The following FARS2 variants were observed in gnomAD, a reference collection of about 807,000 sequenced individuals.
FARS2 encodes phenylalanyl-tRNA synthetase 2, mitochondrial.
In FARS2, 40 loss-of-function variants were observed where a neutral mutation model predicts 46.4. The observed-to-expected ratio is 0.86, with a 90% CI of 0.67 to 1.12. The LOEUF is 1.12. Among genes scored for constraint, FARS2 ranks in the 50% most tolerant of loss-of-function variants. FARS2 has a pLI of 0.00. For missense variants in FARS2, 513 were observed against 567.9 expected (o/e 0.90, Z 0.98); for synonymous variants, 234 against 214.9 (o/e 1.09, Z -0.78).
chr6:5,453,189 T>C (rs1194514556), intron 4 of FARS2, among the ~76,000 whole-genome samples: 23 of 152,182 alleles, frequency 1.5e-4, no homozygotes, highest in Admixed American at 1.5e-3. Flanking sequence ...GGATATGAGA[T>C]AGTGACATCT....
chr6:5,734,444 G>A (rs906685011), intron 6 of FARS2, among the ~76,000 whole-genome samples: 2 of 152,130 alleles, frequency 1.3e-5, no homozygotes, highest in African/African-American at 4.8e-5. Flanking sequence ...GTGTCAGGAG[G>A]GGCCATGCAT....
At chr6:5,505,748 G>A (rs1182645752) in intron 4 of FARS2, among the ~76,000 whole-genome samples, 1 of 152,162 alleles carries the variant, frequency 6.6e-6, no homozygotes, top group Non-Finnish European at 1.5e-5. Context: ...TTGAGGAGCA[G>A]AGGTAGCCAG....
chr6:5,573,661 C>T (rs915316933), intron 5 of FARS2, among the ~76,000 whole-genome samples: 2 of 152,170 alleles, frequency 1.3e-5, no homozygotes, highest in African/African-American at 4.8e-5. Context: ...TTATTGTTTC[C>T]ATTGCCCTTT....
chr6:5,416,458 A>G (rs949693782), intron 3 of FARS2, among the ~76,000 whole-genome samples: 2 of 152,142 alleles, frequency 1.3e-5, no homozygotes, highest in African/African-American at 2.4e-5. Context: ...GTCTGGGGCT[A>G]TTTCTGGACT....
At chr6:5,360,057 A>G (rs1021395088) in intron 1 of FARS2, among the ~76,000 whole-genome samples, 1 of 152,218 alleles carries the variant, frequency 6.6e-6, no homozygotes, top group African/African-American at 2.4e-5. Flanking sequence ...ATTCTCTAAA[A>G]ATTAATAATT....
At chr6:5,635,575 A>G (rs1776503506) in intron 6 of FARS2, among the ~76,000 whole-genome samples, 1 of 152,156 alleles carries the variant, frequency 6.6e-6, no homozygotes. Context: ...GTGTTATAGG[A>G]TGCAGGTGAC....
intron 6 of FARS2, among the ~76,000 whole-genome samples, chr6:5,628,383 A>G (rs1561763711): frequency 6.6e-6 from 1 of 152,156 alleles, no homozygotes; most frequent in Non-Finnish European, 1.5e-5. Context: ...AGACCATCCT[A>G]TTTGGAGTGA....
intron 5 of FARS2, among the ~76,000 whole-genome samples, chr6:5,576,795 A>G (rs1033024519): frequency 1.3e-5 from 2 of 151,918 alleles, no homozygotes; most frequent in Non-Finnish European, 2.9e-5. Context: ...TACCTAAATA[A>G]ATAGAATTTT....
intron 1 of FARS2, among the ~76,000 whole-genome samples, chr6:5,312,197 A>G (rs1769125176): frequency 6.6e-6 from 1 of 152,212 alleles, no homozygotes; most frequent in Non-Finnish European, 1.5e-5. Context: ...CTTTAACTCA[A>G]AAGGGTGGCA....
At chr6:5,348,648 T>C (rs1184171805) in intron 1 of FARS2, among the ~76,000 whole-genome samples, 4 of 151,318 alleles carry the variant, frequency 2.6e-5, no homozygotes, top group African/African-American at 9.7e-5. Context: ...CTGGTGAAGT[T>C]CTTTTTATCC....
intron 4 of FARS2, among the ~76,000 whole-genome samples, chr6:5,520,762 C>G (rs756131353): frequency 1.3e-5 from 2 of 152,068 alleles, no homozygotes; most frequent in Non-Finnish European, 2.9e-5. Context: ...ATGAAGGACA[C>G]ATTCTCAAAG....
chr6:5,262,058 T>C (rs983469305), intron 1 of FARS2, among the ~76,000 whole-genome samples: 1 of 152,180 alleles, frequency 6.6e-6, no homozygotes, highest in Non-Finnish European at 1.5e-5. Flanking sequence ...TTTTGGAATC[T>C]TGCTTTATGT....
intron 1 of FARS2, among the ~76,000 whole-genome samples, chr6:5,361,742 G>C (rs550534189): frequency 9.2e-5 from 14 of 152,260 alleles, no homozygotes; most frequent in Non-Finnish European, 1.8e-4. Context: ...GCATCTGGTG[G>C]TTATGGATTG....
chr6:5,308,478 A>G (rs1047358647), intron 1 of FARS2, among the ~76,000 whole-genome samples: 11 of 152,376 alleles, frequency 7.2e-5, no homozygotes, highest in Admixed American at 2.6e-4. Context: ...GTAAAGGGCC[A>G]TAAGTTTTTA....
chr6:5,580,289 C>CAAAAAA (rs35150084), intron 5 of FARS2, among the ~76,000 whole-genome samples: 1 of 105,150 alleles, frequency 9.5e-6, no homozygotes, highest in African/African-American at 3.7e-5. Flanking sequence ...GACTCCGTCT[C>CAAAAAA]AAAAAAAAAA....
chr6:5,620,472 G>A (rs982210936), intron 6 of FARS2, among the ~76,000 whole-genome samples: 1 of 152,180 alleles, frequency 6.6e-6, no homozygotes, highest in African/African-American at 2.4e-5. Flanking sequence ...TTCAAATGTA[G>A]GACAAGCTGG....
At chr6:5,489,016 G>T (rs1030854829) in intron 4 of FARS2, among the ~76,000 whole-genome samples, 2 of 152,182 alleles carry the variant, frequency 1.3e-5, no homozygotes, top group African/African-American at 4.8e-5. Flanking sequence ...TTACAGTATG[G>T]TGGGGGTAGG....
At chr6:5,639,768 T>C (rs1349019153) in intron 6 of FARS2, among the ~76,000 whole-genome samples, 1 of 152,210 alleles carries the variant, frequency 6.6e-6, no homozygotes, top group Non-Finnish European at 1.5e-5. Flanking sequence ...TGATGACCAG[T>C]GGCTGCTTAC....
chr6:5,620,590 A>G (rs1333147444), intron 6 of FARS2, among the ~76,000 whole-genome samples: 1 of 151,976 alleles, frequency 6.6e-6, no homozygotes, highest in Non-Finnish European at 1.5e-5. Context: ...ATTTTCTCAC[A>G]CTTATTCTGT....
Sources: allele counts gnomAD v4.1 joint callset (sites outside exome capture counted in the v4.1 genomes callset), GRCh38; gene constraint gnomAD v4.1.1; transcripts MANE v1.5; gene names NCBI Gene and HGNC (gene_info 2026-07-23, HGNC 2026-07-21).